Variants in ELOVL5 observed in about 807,000 individuals in gnomAD.
ELOVL5 encodes ELOVL fatty acid elongase 5.
Under a neutral mutation model 38.6 loss-of-function variants are expected in ELOVL5, and 8 were observed. That is an observed-to-expected ratio of 0.21 (90% CI 0.12 to 0.37). The LOEUF (loss-of-function observed/expected upper bound fraction) is 0.37, where lower values mean the gene tolerates loss of function less well. Ranked by LOEUF, ELOVL5 falls within the 10% of genes least tolerant of loss-of-function variation. The pLI, the probability that ELOVL5 is intolerant of heterozygous loss-of-function variation, is 1.00. For missense variants in ELOVL5, 280 were observed against 367.8 expected (o/e 0.76, Z 1.95); for synonymous variants, 127 against 133.7 (o/e 0.95, Z 0.34).
chr6:53,309,380 T>C (rs768341447), intron 1 of ELOVL5, among the ~76,000 whole-genome samples: 5 of 152,296 alleles, frequency 3.3e-5, no homozygotes, highest in Non-Finnish European at 4.4e-5. Flanking sequence ...AGATGGGTGA[T>C]AGGAAGAACC....
chr6:53,289,641 A>T (rs1225841968), intron 3 of ELOVL5, among the ~76,000 whole-genome samples: 1 of 152,172 alleles, frequency 6.6e-6, no homozygotes, highest in Non-Finnish European at 1.5e-5. Context: ...AATCGCTTGA[A>T]CCTGGGAAGC....
At chr6:53,278,022 C>A (rs950465522) in intron 3 of ELOVL5, among the ~76,000 whole-genome samples, 8 of 152,296 alleles carry the variant, frequency 5.3e-5, no homozygotes, top group Middle Eastern at 3.4e-3. Context: ...AAGATAAATT[C>A]GTGCAATGTA....
At chr6:53,311,628 T>C (rs1159417933) in intron 1 of ELOVL5, among the ~76,000 whole-genome samples, 1 of 152,214 alleles carries the variant, frequency 6.6e-6, no homozygotes, top group Non-Finnish European at 1.5e-5. Flanking sequence ...TGTACATTCA[T>C]ACAATGGAAT....
chr6:53,324,595 G>C (rs1211546535), intron 1 of ELOVL5, among the ~76,000 whole-genome samples: 1 of 148,612 alleles, frequency 6.7e-6, no homozygotes, highest in Non-Finnish European at 1.5e-5. Flanking sequence ...AGGATGGCTT[G>C]AACCCATGAG....
At chr6:53,344,988 C>T (rs1769478299) in intron 1 of ELOVL5, among the ~76,000 whole-genome samples, 1 of 152,204 alleles carries the variant, frequency 6.6e-6, no homozygotes, top group African/African-American at 2.4e-5. Context: ...TAGCTGACTT[C>T]CTGTGTTCTG....
At chr6:53,305,343 T>C (rs1581956212) in intron 1 of ELOVL5, among the ~76,000 whole-genome samples, 4 of 107,952 alleles carry the variant, frequency 3.7e-5, no homozygotes, top group Non-Finnish European at 7.2e-5. Context: ...CCCCCCCACC[T>C]CCCTCCCGGA....
chr6:53,310,371 C>G (rs1398706428), intron 1 of ELOVL5, among the ~76,000 whole-genome samples: 2 of 152,128 alleles, frequency 1.3e-5, no homozygotes, highest in East Asian at 3.8e-4. Flanking sequence ...GTTCAGAGAT[C>G]TTAAGTAGTT....
chr6:53,305,490 A>G (rs9463900), intron 1 of ELOVL5, among the ~76,000 whole-genome samples: 100,100 of 143,134 alleles, frequency 0.7, 36,143 homozygotes, highest in African/African-American at 0.92. Flanking sequence ...CAGACGGGGC[A>G]GTTGCCAGGC....
chr6:53,311,427 T>A (rs1436653720), intron 1 of ELOVL5, among the ~76,000 whole-genome samples: 2 of 152,164 alleles, frequency 1.3e-5, no homozygotes, highest in Non-Finnish European at 2.9e-5. Context: ...GTTTGGCAAG[T>A]CTTCAAAAAG....
intron 3 of ELOVL5, among the ~76,000 whole-genome samples, chr6:53,288,781 A>G (rs1264836844): frequency 3.3e-5 from 5 of 152,072 alleles, no homozygotes; most frequent in Non-Finnish European, 7.4e-5. Flanking sequence ...ACTTCTTCCT[A>G]TTGGCCAGAT....
chr6:53,307,341 G>A (rs1258741681), intron 1 of ELOVL5, among the ~76,000 whole-genome samples: 1 of 152,156 alleles, frequency 6.6e-6, no homozygotes, highest in African/African-American at 2.4e-5. Flanking sequence ...GTAACCTTGG[G>A]CAAGTTACTT....
rs1449108017 is a variant in ELOVL5 at position 53,276,118 on chromosome 6, A to T, written c.324+61T>A. The T allele has an allele frequency of 2.1e-5, 25 of 1,182,708 alleles. No homozygotes were observed. The East Asian group carries it at 6.3e-4, about 30-fold the overall frequency. 73.3% of individuals were successfully genotyped at this position (1,182,708 alleles called of 1,614,324 possible). A position where few individuals can be genotyped will look rare whatever the true frequency, so the allele number is the denominator to read the frequency against. On this transcript the variant is annotated intron_variant, in intron 4 of 7. Transcript: ENST00000304434. ...GGTTATGGGCCATTTTGTATTTTAT[A>T]CAATTTATTTTTAAAAACTCAACAC...
intron 2 of ELOVL5, among the ~76,000 whole-genome samples, chr6:53,293,038 C>T (rs1581940754): frequency 6.6e-6 from 1 of 152,022 alleles, no homozygotes; most frequent in Non-Finnish European, 1.5e-5. Context: ...TCTTGGATGG[C>T]GGGAAACTCC....
intron 5 of ELOVL5, 78 bp from the exon 6 acceptor site, chr6:53,273,422 C>T: frequency 7.9e-7 from 1 of 1,268,558 alleles, no homozygotes; most frequent in Non-Finnish European, 1.1e-6. Flanking sequence ...AAAAAAAATA[C>T]AAGATTCTTT....
intron 1 of ELOVL5, among the ~76,000 whole-genome samples, chr6:53,339,005 G>A (rs529781492): frequency 6.6e-6 from 1 of 152,184 alleles, no homozygotes; most frequent in East Asian, 1.9e-4. Flanking sequence ...ACATAAATAA[G>A]GCATATAACA....
intron 1 of ELOVL5, among the ~76,000 whole-genome samples, chr6:53,308,222 T>C (rs1302019873): frequency 6.6e-6 from 1 of 152,206 alleles, no homozygotes; most frequent in Non-Finnish European, 1.5e-5. Flanking sequence ...CTCCCTGACC[T>C]CATTTTCATA....
At chr6:53,305,141 G>A (rs183308246) in intron 1 of ELOVL5, among the ~76,000 whole-genome samples, 18,358 of 144,594 alleles carry the variant, frequency 0.13, 1,472 homozygotes, top group African/African-American at 0.2. Context: ...GGGGCGGCTC[G>A]CCGGGCAGGG....
intron 2 of ELOVL5, among the ~76,000 whole-genome samples, chr6:53,293,255 C>T (rs1445912356): frequency 1.3e-5 from 2 of 152,156 alleles, no homozygotes; most frequent in Non-Finnish European, 2.9e-5. Flanking sequence ...TCACCTACTG[C>T]GTCTTCAGAG....
intron 1 of ELOVL5, among the ~76,000 whole-genome samples, chr6:53,306,074 CGCGCCTGCAATTGCAG>C (rs1767525740): frequency 6.6e-6 from 1 of 150,992 alleles, no homozygotes; most frequent in Non-Finnish European, 1.5e-5. Flanking sequence ...CGTGGCGGCG[CGCGCCTGCAATTGCAG>C]GCACTCGGCA....
Sources: gnomAD v4.1 joint callset for allele counts (sites outside exome capture counted in the v4.1 genomes callset) on GRCh38, gnomAD v4.1.1 for gene constraint, MANE v1.5 for transcripts, NCBI Gene and HGNC (gene_info 2026-07-23, HGNC 2026-07-21) for gene names.